Variants in RASEF observed in about 807,000 individuals in gnomAD.
RASEF encodes ras and EF-hand domain-containing protein.
RASEF carries 68 observed loss-of-function variants against 90.1 expected under a neutral mutation model. The ratio of observed to expected loss-of-function variants is 0.75; its 90% CI spans 0.62 to 0.92. The LOEUF is 0.92. RASEF is among the 40% of genes least tolerant of loss of function. The pLI is 0.00. For missense variants in RASEF, 949 were observed against 937.2 expected, an observed-to-expected ratio of 1.01 and a Z score of -0.16; for synonymous variants, 331 against 345.2, an observed-to-expected ratio of 0.96 and a Z score of 0.46.
intron 12 of RASEF, among the ~76,000 whole-genome samples, chr9:82,999,155 A>G (rs1052259703): frequency 6.6e-6 from 1 of 151,950 alleles, no homozygotes; most frequent in Non-Finnish European, 1.5e-5. Flanking sequence ...AGAACTCTTT[A>G]GACGAAGAAG....
intron 16 of RASEF, among the ~76,000 whole-genome samples, chr9:82,987,482 A>G (rs1398634966): frequency 6.6e-6 from 1 of 152,236 alleles, no homozygotes; most frequent in Non-Finnish European, 1.5e-5. Context: ...AGGTGTTTTA[A>G]GTAAACACAC....
the RASEF span, among the ~76,000 whole-genome samples, chr9:83,091,432 G>A: frequency 6.6e-6 from 1 of 152,150 alleles, no homozygotes; most frequent in African/African-American, 2.4e-5. Flanking sequence ...GTGCGCACAT[G>A]TAGTCCCAGC....
the RASEF span, among the ~76,000 whole-genome samples, chr9:83,115,071 T>G: frequency 1.3e-5 from 2 of 152,160 alleles, no homozygotes; most frequent in African/African-American, 4.8e-5. Context: ...AAAATTTCTC[T>G]CTTTGTACTC....
chr9:83,176,038 G>T, the RASEF span, among the ~76,000 whole-genome samples: 2 of 152,166 alleles, frequency 1.3e-5, no homozygotes, highest in African/African-American at 4.8e-5. Context: ...TTTGTGTATT[G>T]TTCAATTATT....
intron 1 of RASEF, among the ~76,000 whole-genome samples, chr9:83,062,135 C>T (rs1181132472): frequency 6.6e-6 from 1 of 152,166 alleles, no homozygotes; most frequent in Non-Finnish European, 1.5e-5. Context: ...GGCGCGCGCG[C>T]CTAAACTCGC....
At chr9:83,166,307 A>G in the RASEF span, among the ~76,000 whole-genome samples, 1 of 152,190 alleles carries the variant, frequency 6.6e-6, no homozygotes, top group Non-Finnish European at 1.5e-5. Context: ...AAAAAATTAT[A>G]CACTACAACC....
Position 83,062,841 on chromosome 9 carries a change from C to G in RASEF, c.27G>C (p.Glu9Asp), listed in dbSNP as rs1271095246. ...CGAAGACTGAGCGCAGCCGGGCCAG[C>G]TCCTCTCCGTCCCCATCCGCCTCCA... MEADGDGE[E>D]LARLRSVFAA... Residue 9 changes from glutamate (E) to aspartate (D), a missense_variant, in exon 1 of 17, where the codon GAG (glutamate) becomes GAC (aspartate). Transcript: ENST00000376447. 6.5e-7 allele frequency: 1 copy of G among 1,542,204 alleles called. No individual in the cohort carries two copies. The highest frequency in any genetic ancestry group is 1.4e-5 in the African/African-American group (1 of 70,732).
the RASEF span, among the ~76,000 whole-genome samples, chr9:83,137,654 G>A: frequency 6.6e-6 from 1 of 152,074 alleles, no homozygotes; most frequent in Admixed American, 6.6e-5. Context: ...GGGAGCCACT[G>A]AAAGTCTTTT....
At position 83,004,525 on chromosome 9, in the gene RASEF, T is replaced by C; in HGVS notation, c.1175A>G (p.His392Arg). ...ISRSSPKFIG[H>R]SPQPLGYDRS... ...GTCATAGCCTAGAGGTTGAGGGGAA[T>C]GACCAATGAATTTGGGACTGCTTCT... Residue 392 changes from histidine to arginine, a missense_variant, in exon 9 of 17, where the codon CAT becomes CGT. Transcript: ENST00000376447. 6.2e-7 allele frequency: 1 copy of C among 1,603,756 alleles called. No homozygotes were observed. Among genetic ancestry groups the C allele is most frequent in the Non-Finnish European group, 8.5e-7 (1 of 1,170,640 alleles).
At chr9:83,014,663 T>A (rs777399739) in intron 4 of RASEF, among the ~76,000 whole-genome samples, 5 of 151,928 alleles carry the variant, frequency 3.3e-5, no homozygotes, top group Non-Finnish European at 7.4e-5. Flanking sequence ...AGCTAACACA[T>A]CCCCATTAGT....
At chr9:83,002,407 T>C (rs959381468) in intron 9 of RASEF, among the ~76,000 whole-genome samples, 3 of 152,064 alleles carry the variant, frequency 2.0e-5, no homozygotes, top group Non-Finnish European at 4.4e-5. Flanking sequence ...GAATTTTATA[T>C]CATAACTCAA....
chr9:83,199,900 G>C, the RASEF span, among the ~76,000 whole-genome samples: 1 of 152,116 alleles, frequency 6.6e-6, no homozygotes, highest in African/African-American at 2.4e-5. Flanking sequence ...TCAGGAACTG[G>C]TTAAAAACAC....
the RASEF span, among the ~76,000 whole-genome samples, chr9:83,119,174 T>C: frequency 2.0e-4 from 5 of 24,732 alleles, no homozygotes; most frequent in African/African-American, 1.6e-3. Context: ...TGCGGGCTAT[T>C]TTTTTTTTTT....
At position 82,997,781 on chromosome 9, in the gene RASEF, T is replaced by C. The variant is rs556957588; in HGVS notation, c.1805+584A>G. On this transcript the variant is annotated intron_variant, in intron 13 of 16. Transcript: ENST00000376447. The stretch of plus-strand genomic sequence containing the variant: ...CCATGGGGGCAGGTATTTGTGCCTG[T>C]CTGTTCACCACTGAATCTCAGCATG... 3.2e-4 allele frequency among the ~76,000 whole-genome samples: 49 copies of C among 152,322 alleles called. 1 individual carries two copies. In the South Asian group the frequency reaches 9.5e-3, roughly 30 times the overall value.
intron 1 of RASEF, among the ~76,000 whole-genome samples, chr9:83,027,633 A>G (rs772009589): frequency 1.3e-5 from 2 of 152,234 alleles, no homozygotes; most frequent in Non-Finnish European, 2.9e-5. Context: ...ATTTCAAAAG[A>G]AAAATTAACC....
the RASEF span, among the ~76,000 whole-genome samples, chr9:83,096,082 C>T: frequency 6.6e-6 from 1 of 152,152 alleles, no homozygotes; most frequent in African/African-American, 2.4e-5. Flanking sequence ...CTTCCCTTCT[C>T]CTATCTGTAG....
the RASEF span, among the ~76,000 whole-genome samples, chr9:83,072,473 A>G: frequency 1.7e-4 from 26 of 152,332 alleles, no homozygotes; most frequent in Non-Finnish European, 7.3e-5. Flanking sequence ...TCACACGATC[A>G]CAAGGTGAAG....
intron 3 of RASEF, 53 bp from the exon 4 acceptor site, chr9:83,015,953 T>G (rs1012645278): frequency 4.6e-6 from 6 of 1,315,696 alleles, no homozygotes; most frequent in Middle Eastern, 2.0e-4. Flanking sequence ...CCTCTTAACC[T>G]TCAAAACCCC....
At chr9:83,131,933 C>G in the RASEF span, among the ~76,000 whole-genome samples, 1 of 152,058 alleles carries the variant, frequency 6.6e-6, no homozygotes, top group Non-Finnish European at 1.5e-5. Context: ...TGGTCTAAAA[C>G]AACATTCCCA....
Sources: gnomAD v4.1 joint callset for allele counts (sites outside exome capture counted in the v4.1 genomes callset) on GRCh38, gnomAD v4.1.1 for gene constraint, MANE v1.5 for transcripts, NCBI Gene and HGNC (gene_info 2026-07-23, HGNC 2026-07-21) for gene names.